The following PABPC4L variants were observed in gnomAD, a reference collection of about 807,000 sequenced individuals.
PABPC4L encodes poly(A) binding protein cytoplasmic 4 like, also known as polyadenylate-binding protein 4-like.
For missense variants in PABPC4L, 452 were observed against 451.4 expected (o/e 1.00, Z -0.01); for synonymous variants, 169 against 164.1 (o/e 1.03, Z -0.23).
the PABPC4L span, among the ~76,000 whole-genome samples, chr4:134,100,874 C>T: frequency 4.6e-3 from 689 of 151,310 alleles, 9 homozygotes; most frequent in African/African-American, 0.016. Context: ...GAAGATAAAA[C>T]CTTATAATAG....
the PABPC4L span, among the ~76,000 whole-genome samples, chr4:134,158,702 C>T: frequency 2.8e-4 from 43 of 151,986 alleles, no homozygotes; most frequent in Non-Finnish European, 5.6e-4. Flanking sequence ...TATCTAGGTG[C>T]TAGATGTCAT....
At chr4:134,169,438 T>C in the PABPC4L span, among the ~76,000 whole-genome samples, 1 of 152,052 alleles carries the variant, frequency 6.6e-6, no homozygotes, top group African/African-American at 2.4e-5. Flanking sequence ...CTATAATTCC[T>C]AGCTAGAGCA....
the PABPC4L span, among the ~76,000 whole-genome samples, chr4:133,974,567 T>C: frequency 6.6e-6 from 1 of 152,128 alleles, no homozygotes; most frequent in African/African-American, 2.4e-5. Context: ...CAAGTGATAC[T>C]ATCAATTAAG....
the PABPC4L span, among the ~76,000 whole-genome samples, chr4:134,011,318 C>G: frequency 3.9e-5 from 6 of 152,036 alleles, no homozygotes; most frequent in African/African-American, 1.4e-4. Flanking sequence ...CATTACATTA[C>G]AAGTTTCATT....
At chr4:134,009,852 T>C in the PABPC4L span, among the ~76,000 whole-genome samples, 1 of 152,132 alleles carries the variant, frequency 6.6e-6, no homozygotes, top group East Asian at 1.9e-4. Context: ...TCTATACTAA[T>C]GTCAAAGAGG....
the PABPC4L span, among the ~76,000 whole-genome samples, chr4:134,182,891 C>A: frequency 0.073 from 11,030 of 151,942 alleles, 559 homozygotes; most frequent in South Asian, 0.13. Context: ...AAATTCAAAT[C>A]AAAACCACAA....
At chr4:134,056,328 C>G in the PABPC4L span, among the ~76,000 whole-genome samples, 1 of 151,668 alleles carries the variant, frequency 6.6e-6, no homozygotes, top group Non-Finnish European at 1.5e-5. Context: ...AGATATTTTG[C>G]CTTTCTACAG....
At chr4:134,195,434 A>G (rs1479910638), downstream of PABPC4L, among the ~76,000 whole-genome samples, 2 of 151,606 alleles carry the variant, frequency 1.3e-5, no homozygotes, top group Non-Finnish European at 3.0e-5. Context: ...ACTGATATTC[A>G]CTGAATGCAA....
At chr4:133,985,660 A>G in the PABPC4L span, among the ~76,000 whole-genome samples, 4 of 152,044 alleles carry the variant, frequency 2.6e-5, no homozygotes, top group Non-Finnish European at 5.9e-5. Context: ...ATTTTAATAG[A>G]TAAAACAAAA....
the PABPC4L span, among the ~76,000 whole-genome samples, chr4:134,050,250 A>G: frequency 1.1e-4 from 17 of 152,316 alleles, 1 homozygote; most frequent in African/African-American, 3.6e-4. Context: ...TGAATGCTCT[A>G]AGATATTTTT....
the PABPC4L span, among the ~76,000 whole-genome samples, chr4:133,968,090 C>T: frequency 2.0e-5 from 3 of 152,102 alleles, no homozygotes; most frequent in South Asian, 2.1e-4. Flanking sequence ...ATAGAGTCTT[C>T]GCCATTTAGT....
chr4:134,055,759 T>C, the PABPC4L span, among the ~76,000 whole-genome samples: 1 of 151,806 alleles, frequency 6.6e-6, no homozygotes, highest in Non-Finnish European at 1.5e-5. Flanking sequence ...ATATTCTTTC[T>C]CAATTTTGTA....
the PABPC4L span, among the ~76,000 whole-genome samples, chr4:134,146,825 A>G: frequency 3.9e-5 from 6 of 152,004 alleles, no homozygotes; most frequent in African/African-American, 1.4e-4. Context: ...TTCAGAAGGA[A>G]CCAATCTAGA....
chr4:134,068,298 CT>C, the PABPC4L span, among the ~76,000 whole-genome samples: 34 of 152,004 alleles, frequency 2.2e-4, no homozygotes, highest in African/African-American at 8.2e-4. Flanking sequence ...CTCTTTTAAT[CT>C]TTGTTGGATT....
the PABPC4L span, among the ~76,000 whole-genome samples, chr4:134,154,216 T>C: frequency 2.6e-5 from 4 of 152,116 alleles, no homozygotes; most frequent in East Asian, 5.8e-4. Context: ...ATCTTACCTA[T>C]ATCCATATTT....
At chr4:134,041,021 G>C in the PABPC4L span, among the ~76,000 whole-genome samples, 1 of 152,096 alleles carries the variant, frequency 6.6e-6, no homozygotes, top group Non-Finnish European at 1.5e-5. Context: ...AAATCACAAT[G>C]AGATACCATC....
chr4:134,110,945 A>G, the PABPC4L span, among the ~76,000 whole-genome samples: 1 of 152,030 alleles, frequency 6.6e-6, no homozygotes, highest in African/African-American at 2.4e-5. Context: ...ATGTGTATAT[A>G]TGTATACACA....
At chr4:134,079,902 T>C in the PABPC4L span, among the ~76,000 whole-genome samples, 1 of 152,006 alleles carries the variant, frequency 6.6e-6, no homozygotes, top group African/African-American at 2.4e-5. Flanking sequence ...CAGAAAACTA[T>C]ATAGTTTAAA....
chr4:134,063,161 C>T, the PABPC4L span, among the ~76,000 whole-genome samples: 1 of 152,054 alleles, frequency 6.6e-6, no homozygotes, highest in Non-Finnish European at 1.5e-5. Context: ...GGTGAGCTTA[C>T]CTTTTAGGGT....
Sources: allele counts gnomAD v4.1 joint callset (sites outside exome capture counted in the v4.1 genomes callset), GRCh38; gene constraint gnomAD v4.1.1; transcripts MANE v1.5; gene names NCBI Gene and HGNC (gene_info 2026-07-23, HGNC 2026-07-21).